STXBP5L: variants seen among roughly 807,000 people sequenced by gnomAD.
STXBP5L encodes the protein syntaxin binding protein 5L.
STXBP5L carries 65 observed loss-of-function variants against 144.5 expected under a neutral mutation model. The ratio of observed to expected loss-of-function variants is 0.45; its 90% CI spans 0.37 to 0.55. STXBP5L has a LOEUF of 0.55. Among genes scored for constraint, STXBP5L ranks in the 20% least tolerant of loss-of-function variants. STXBP5L has a pLI of 0.00. For missense variants in STXBP5L, 1,298 were observed against 1,405.5 expected (o/e 0.92, Z 1.22); for synonymous variants, 505 against 469.6 (o/e 1.08, Z -0.97).
At chr3:121,137,876 A>G (rs992264978) in intron 7 of STXBP5L, among the ~76,000 whole-genome samples, 1 of 152,150 alleles carries the variant, frequency 6.6e-6, no homozygotes, top group African/African-American at 2.4e-5. Context: ...GAACAAGGTA[A>G]GGATGTCCAC....
At chr3:121,293,791 G>A (rs988340853) in intron 19 of STXBP5L, among the ~76,000 whole-genome samples, 1 of 152,232 alleles carries the variant, frequency 6.6e-6, no homozygotes, top group African/African-American at 2.4e-5. Flanking sequence ...AACCCGGGAG[G>A]CGGAGGTTGC....
chr3:120,917,822 C>T (rs1349284318), intron 2 of STXBP5L, among the ~76,000 whole-genome samples: 2 of 152,162 alleles, frequency 1.3e-5, no homozygotes, highest in African/African-American at 4.8e-5. Context: ...TGCTTTATGT[C>T]CTTTCAGGTA....
intron 14 of STXBP5L, among the ~76,000 whole-genome samples, chr3:121,243,488 T>C (rs754745484): frequency 4.7e-5 from 7 of 148,942 alleles, no homozygotes; most frequent in Non-Finnish European, 8.9e-5. Flanking sequence ...CACATTAAAG[T>C]CAACAAAAAT....
chr3:120,970,070 C>G (rs1414495226), intron 3 of STXBP5L, among the ~76,000 whole-genome samples: 2 of 151,888 alleles, frequency 1.3e-5, no homozygotes, highest in Admixed American at 6.6e-5. Context: ...AAAACCAAAC[C>G]CTACCCTTTA....
At chr3:121,343,944 A>G (rs2044839664) in intron 20 of STXBP5L, among the ~76,000 whole-genome samples, 2 of 152,142 alleles carry the variant, frequency 1.3e-5, no homozygotes, top group Admixed American at 1.3e-4. Flanking sequence ...TCACCAAGTC[A>G]ATCCTAAGCC....
At chr3:121,345,576 A>G (rs572400686) in intron 20 of STXBP5L, among the ~76,000 whole-genome samples, 1 of 152,042 alleles carries the variant, frequency 6.6e-6, no homozygotes, top group African/African-American at 2.4e-5. Context: ...TTCTTGAGGG[A>G]TCACCACACT....
chr3:120,975,023 C>T (rs1361816394), intron 3 of STXBP5L, among the ~76,000 whole-genome samples: 6 of 152,146 alleles, frequency 3.9e-5, no homozygotes, highest in African/African-American at 4.8e-5. Flanking sequence ...CTTGGCGATG[C>T]GGGCTCTTTT....
intron 5 of STXBP5L, among the ~76,000 whole-genome samples, chr3:121,107,649 G>C (rs2043777048): frequency 6.6e-6 from 1 of 152,078 alleles, no homozygotes; most frequent in African/African-American, 2.4e-5. Flanking sequence ...GTATCATGGT[G>C]CCTGCAGCTT....
At chr3:121,062,664 CT>C (rs1374059062) in intron 5 of STXBP5L, among the ~76,000 whole-genome samples, 1 of 152,224 alleles carries the variant, frequency 6.6e-6, no homozygotes, top group Non-Finnish European at 1.5e-5. Context: ...TAGGTTAGGT[CT>C]TTTCACATAG....
At chr3:121,177,443 G>C (rs1231362914) in intron 9 of STXBP5L, among the ~76,000 whole-genome samples, 1 of 152,014 alleles carries the variant, frequency 6.6e-6, no homozygotes, top group Non-Finnish European at 1.5e-5. Flanking sequence ...TTTTAAAGTA[G>C]GCAGCCAATT....
intron 9 of STXBP5L, among the ~76,000 whole-genome samples, chr3:121,182,936 A>T (rs934906081): frequency 6.6e-6 from 1 of 152,232 alleles, no homozygotes; most frequent in Non-Finnish European, 1.5e-5. Flanking sequence ...ACCGAATTTA[A>T]CAGCATATCA....
chr3:120,908,918 C>T (rs979167019), intron 1 of STXBP5L, among the ~76,000 whole-genome samples: 1 of 151,802 alleles, frequency 6.6e-6, no homozygotes, highest in Non-Finnish European at 1.5e-5. Context: ...TCGCCGTTCT[C>T]CTCCTCCCCC....
chr3:121,409,841 T>C lies in STXBP5L; in HGVS notation c.2948+2238T>C, dbSNP rs1576371318. On this transcript the variant is annotated intron_variant, in intron 23 of 26. Transcript: ENST00000471454. The stretch of plus-strand genomic sequence containing the variant: ...AGCCTAAAATATTTACTATCATAAA[T>C]ATTTATGGGCCCTTTTCCCCTGGTA... 3.9e-5 allele frequency among the ~76,000 whole-genome samples: 6 copies of C among 151,914 alleles called. No homozygotes were observed. In the South Asian group the frequency reaches 1.2e-3, roughly 32 times the overall value.
chr3:121,310,863 C>T (rs554347984), intron 19 of STXBP5L, among the ~76,000 whole-genome samples: 98 of 151,934 alleles, frequency 6.5e-4, no homozygotes, highest in Non-Finnish European at 1.5e-4. Context: ...GAGCCAAGAT[C>T]GCACCACTGC....
chr3:121,376,949 T>C (rs1475872529), intron 20 of STXBP5L, among the ~76,000 whole-genome samples: 3 of 152,216 alleles, frequency 2.0e-5, no homozygotes, highest in African/African-American at 7.2e-5. Flanking sequence ...TTCACGTCCC[T>C]TGTAAGTTGG....
intron 24 of STXBP5L, among the ~76,000 whole-genome samples, chr3:121,415,232 G>A (rs990354180): frequency 2.6e-5 from 4 of 152,130 alleles, no homozygotes; most frequent in African/African-American, 7.2e-5. Flanking sequence ...TGTAGATAAC[G>A]AGAGTACATC....
chr3:121,004,133 C>T (rs1944041638), intron 3 of STXBP5L, among the ~76,000 whole-genome samples: 4 of 152,138 alleles, frequency 2.6e-5, no homozygotes, highest in Non-Finnish European at 4.4e-5. Flanking sequence ...CTATAAATTA[C>T]CTTGGGCAGT....
At chr3:121,007,190 T>G (rs1463789499) in intron 3 of STXBP5L, among the ~76,000 whole-genome samples, 1 of 152,126 alleles carries the variant, frequency 6.6e-6, no homozygotes, top group Non-Finnish European at 1.5e-5. Context: ...TAAACTACAT[T>G]AATTTTGAAT....
intron 19 of STXBP5L, among the ~76,000 whole-genome samples, chr3:121,317,088 T>C (rs16832236): frequency 0.019 from 2,937 of 152,290 alleles, 90 homozygotes; most frequent in African/African-American, 0.066. Context: ...ATAGTTTAGT[T>C]TGATGAATGC....
Sources: gnomAD v4.1 joint callset for allele counts (sites outside exome capture counted in the v4.1 genomes callset) on GRCh38, gnomAD v4.1.1 for gene constraint, MANE v1.5 for transcripts, NCBI Gene and HGNC (gene_info 2026-07-23, HGNC 2026-07-21) for gene names.